Variants in ANKRD11 observed in about 807,000 individuals in gnomAD.
ANKRD11 encodes ankyrin repeat domain-containing protein 11.
In ANKRD11, 17 loss-of-function variants were observed where a neutral mutation model predicts 195.7. The observed-to-expected ratio is 0.09, with a 90% CI of 0.06 to 0.13. The LOEUF (loss-of-function observed/expected upper bound fraction) is 0.13, where lower values mean the gene tolerates loss of function less well. Ranked by LOEUF, ANKRD11 falls within the 10% of genes least tolerant of loss-of-function variation. The pLI is 1.00. For missense variants in ANKRD11, 3,735 were observed against 3,566.1 expected (o/e 1.05, Z -1.21); for synonymous variants, 1,953 against 1,528.1 (o/e 1.28, Z -6.49).
chr16:89,268,630 C>T lies in ANKRD11; in HGVS notation c.7840G>A (p.Ala2614Thr). The T allele has an allele frequency of 3.2e-6, 5 of 1,572,178 alleles. No individual in the cohort carries two copies. Among genetic ancestry groups the T allele is most frequent in the East Asian group, 2.3e-5 (1 of 43,104 alleles). The change falls in exon 13 of 13, where the codon GCG becomes ACG. Residue 2614 changes from alanine (A) to threonine (T), a missense_variant. Coordinates refer to ENST00000301030, the MANE Select transcript of ANKRD11 (RefSeq NM_013275.6). ...CLLMRQQHEAAALNAVQRMEW... is the reference protein window; with the variant it reads ...CLLMRQQHEATALNAVQRMEW... ...ATCCTCTGCACGGCGTTCAGGGCCG[C>T]GGCCTCGTGCTGCTGCCGCATGAGG...
At position 89,283,248 on chromosome 16, in the gene ANKRD11, G is replaced by T; in HGVS notation, c.3294C>A (p.Asp1098Glu). 3 of 1,614,114 alleles carry T rather than the reference G, an allele frequency of 1.9e-6. No homozygotes were observed. The highest frequency in any genetic ancestry group is 2.5e-6 in the Non-Finnish European group (3 of 1,180,034). The change falls in exon 9 of 13, where the codon GAC (aspartate) becomes GAA (glutamate). Residue 1098 changes from aspartate (D) to glutamate (E), a missense_variant. Coordinates refer to ENST00000301030, the MANE Select transcript of ANKRD11 (RefSeq NM_013275.6). The surrounding 1 kb of genome is among the most constrained non-coding windows in gnomAD (Gnocchi z 4.3). ...EKAFPGIISE[D>E]FSEKKDDKKG... ...TCTTGTCATCTTTTTTTTCAGAGAA[G>T]TCTTCTGAGATGATCCCAGGGAAAG... is the stretch of plus-strand genomic sequence containing the variant.
chr16:89,286,624 G>C (rs759426563), intron 7 of ANKRD11: 1 of 1,193,648 alleles, frequency 8.4e-7, no homozygotes, highest in African/African-American at 1.6e-5. Flanking sequence ...GTTATGGAAA[G>C]GGTTGGGGGG....
At chr16:89,377,062 C>A (rs2040452804) in intron 2 of ANKRD11, among the ~76,000 whole-genome samples, 1 of 152,198 alleles carries the variant, frequency 6.6e-6, no homozygotes, top group Non-Finnish European at 1.5e-5. Flanking sequence ...AGTACCTTGC[C>A]TTGCCAGTAA....
At chr16:89,425,308 A>T (rs1371800053) in intron 1 of ANKRD11, among the ~76,000 whole-genome samples, 1 of 152,188 alleles carries the variant, frequency 6.6e-6, no homozygotes, top group African/African-American at 2.4e-5. Flanking sequence ...GGCTGGCTCC[A>T]GTGCCCACAC....
chr16:89,436,551 A>G (rs1473696795), intron 1 of ANKRD11, among the ~76,000 whole-genome samples: 1 of 152,218 alleles, frequency 6.6e-6, no homozygotes, highest in East Asian at 1.9e-4. Context: ...GTGTTGGGAC[A>G]TAGCAAACAG....
intron 2 of ANKRD11, among the ~76,000 whole-genome samples, chr16:89,329,695 G>A (rs1439933827): frequency 6.6e-6 from 1 of 152,182 alleles, no homozygotes; most frequent in African/African-American, 2.4e-5. Flanking sequence ...TTTGGCTTTG[G>A]AATCATGCAT....
chr16:89,291,161 C>T lies in ANKRD11; in HGVS notation c.249G>A (p.Lys83=), dbSNP rs371729813. 21 of 1,613,770 alleles carry T rather than the reference C, an allele frequency of 1.3e-5. No individual in the cohort carries two copies. Among genetic ancestry groups the T allele is most frequent in the Non-Finnish European group, 1.7e-5 (20 of 1,179,960 alleles). ...GGGTGACAGGCTCCTTCTTAATCCT[C>T]TTCCGCTCAGGGCCCTGCTTCTCTG... The part of the protein sequence containing the change: ...SDTEKQGPER[K]RIKKEPVTRK... Residue 83 remains lysine, a synonymous_variant, in exon 5 of 13, where the codon AAG becomes AAA. Coordinates refer to ENST00000301030, the MANE Select transcript of ANKRD11 (RefSeq NM_013275.6). The surrounding 1 kb of genome is among the most constrained non-coding windows in gnomAD (Gnocchi z 5.3).
intron 3 of ANKRD11, among the ~76,000 whole-genome samples, chr16:89,309,606 G>A (rs868316532): frequency 1.1e-4 from 16 of 152,202 alleles, no homozygotes; most frequent in African/African-American, 3.4e-4. Flanking sequence ...GGCTTGCCCC[G>A]AGCTGCCTAC....
At chr16:89,425,703 G>T (rs2042689582) in intron 1 of ANKRD11, among the ~76,000 whole-genome samples, 2 of 152,096 alleles carry the variant, frequency 1.3e-5, no homozygotes, top group Non-Finnish European at 2.9e-5. Flanking sequence ...CCTGTTTCTG[G>T]TGTTTCTTTT....
intron 2 of ANKRD11, among the ~76,000 whole-genome samples, chr16:89,407,135 G>A (rs1455845148): frequency 6.6e-6 from 1 of 151,826 alleles, no homozygotes; most frequent in Non-Finnish European, 1.5e-5. Context: ...GCGGTGAGTT[G>A]AGACGTGCCA....
intron 1 of ANKRD11, chr16:89,489,042 C>A (rs2057714438): frequency 6.6e-6 from 1 of 152,110 alleles, no homozygotes; most frequent in African/African-American, 2.4e-5. Flanking sequence ...ACTAACCTTC[C>A]AAAAACACAA....
chr16:89,374,547 G>A (rs1436904325), intron 2 of ANKRD11, among the ~76,000 whole-genome samples: 1 of 152,196 alleles, frequency 6.6e-6, no homozygotes, highest in African/African-American at 2.4e-5. Context: ...CGGCCGCTGT[G>A]TGTGTGAGCT....
At chr16:89,337,010 A>C (rs2038394676) in intron 2 of ANKRD11, among the ~76,000 whole-genome samples, 1 of 73,436 alleles carries the variant, frequency 1.4e-5, no homozygotes, top group Non-Finnish European at 3.3e-5. Context: ...GCTCTACCAA[A>C]AAAAAAAAAA....
chr16:89,404,215 G>A (rs1410391318), intron 2 of ANKRD11, among the ~76,000 whole-genome samples: 1 of 152,162 alleles, frequency 6.6e-6, no homozygotes, highest in African/African-American at 2.4e-5. Flanking sequence ...GAGAGGGGAA[G>A]CCCAGTTTGG....
rs1245070474 is a variant in ANKRD11, at chr16:89,281,498, C to G, written c.5044G>C (p.Gly1682Arg). The change falls in exon 9 of 13, where the codon GGC becomes CGC. Residue 1682 changes from glycine to arginine, a missense_variant. Gly to Arg is a moderately radical substitution (Grantham distance 125). Coordinates refer to ENST00000301030, the MANE Select transcript of ANKRD11 (RefSeq NM_013275.6). This position sits in a 1 kb window ranked among gnomAD's most constrained non-coding sequence, Gnocchi z 5.5. ...GGCAGGACCTCTTTCATGTGAGGGC[C>G]TGCCAGCCAGTCTTTGGAGTCTGCA... Reference protein sequence around the residue: ...SGADSKDWLAGPHMKEVLPAS... With the variant: ...SGADSKDWLARPHMKEVLPAS... 6.2e-7 allele frequency: 1 copy of G among 1,614,092 alleles called. No individual in the cohort carries two copies. Among genetic ancestry groups the G allele is most frequent in the Non-Finnish European group, 8.5e-7 (1 of 1,180,040 alleles).
chr16:89,318,568 G>T (rs2037107749), intron 2 of ANKRD11, among the ~76,000 whole-genome samples: 1 of 151,974 alleles, frequency 6.6e-6, no homozygotes, highest in Non-Finnish European at 1.5e-5. Flanking sequence ...AGACCCATCT[G>T]TGAGTGGCAG....
At chr16:89,446,726 C>G (rs1334748175) in intron 1 of ANKRD11, among the ~76,000 whole-genome samples, 1 of 152,204 alleles carries the variant, frequency 6.6e-6, no homozygotes, top group Non-Finnish European at 1.5e-5. Flanking sequence ...GACAGTGCCA[C>G]CAGCCACAGC....
At chr16:89,315,705 G>T (rs944943115) in intron 3 of ANKRD11, among the ~76,000 whole-genome samples, 5 of 152,206 alleles carry the variant, frequency 3.3e-5, no homozygotes, top group Non-Finnish European at 7.4e-5. Context: ...CAGACATCAA[G>T]GGTCTCAGAG....
rs138515796 is a variant in ANKRD11, at chr16:89,329,928, T to C, written c.-59-12850A>G. ...GGCTGAGGCACTGGGAGGCAGAGGC[T>C]GCCGTGAGCAGAGATCACACCACTG... is the stretch of plus-strand genomic sequence containing the variant. On this transcript the variant is annotated intron_variant, in intron 2 of 12. Coordinates refer to ENST00000301030, the MANE Select transcript of ANKRD11 (RefSeq NM_013275.6). Among the ~76,000 whole-genome samples the C allele has an allele frequency of 8.8e-3, 1,342 of 151,820 alleles. 20 individuals are homozygous for C. Among genetic ancestry groups the C allele is most frequent in the African/African-American group, 0.031 (1,278 of 41,304 alleles).
Sources: gnomAD v4.1 joint callset for allele counts (sites outside exome capture counted in the v4.1 genomes callset) on GRCh38, gnomAD v4.1.1 for gene constraint, Gnocchi (gnomAD v3.1) non-coding constraint, MANE v1.5 for transcripts, NCBI Gene and HGNC (gene_info 2026-07-23, HGNC 2026-07-21) for gene names.